Variants in COL9A1 observed in about 807,000 individuals in gnomAD.
COL9A1 encodes collagen type IX alpha 1 chain, also known as collagen alpha-1(IX) chain.
Under a neutral mutation model 142.6 loss-of-function variants are expected in COL9A1, and 104 were observed. That is an observed-to-expected ratio of 0.73 (90% CI 0.62 to 0.86). COL9A1 has a LOEUF of 0.86. Ranked by LOEUF, COL9A1 falls within the 40% of genes least tolerant of loss-of-function variation. The probability of loss-of-function intolerance (pLI) is 0.00; values close to 1 mark genes in which losing one functional copy is unlikely to be tolerated. For missense variants in COL9A1, 1,210 were observed against 1,176.6 expected, an observed-to-expected ratio of 1.03 and a Z score of -0.42; for synonymous variants, 466 against 396.0, an observed-to-expected ratio of 1.18 and a Z score of -2.10.
Position 70,230,524 on chromosome 6 carries a change from T to A in COL9A1, c.2503+2059A>T, listed in dbSNP as rs918833802. ...AAAAATTAAGAGGAAATACCTCACA[T>A]GATCAAGCTATACTTGACAAACGAA... On this transcript the variant is annotated intron_variant, in intron 36 of 37. Coordinates refer to ENST00000357250, the MANE Select transcript of COL9A1 (RefSeq NM_001851.6). Among the ~76,000 whole-genome samples the A allele has an allele frequency of 4.6e-5, 7 of 152,350 alleles. No homozygotes were observed. In the East Asian group the frequency reaches 5.8e-4, roughly 13 times the overall value.
At chr6:70,267,318 G>C (rs1772077486) in intron 17 of COL9A1, among the ~76,000 whole-genome samples, 3 of 97,764 alleles carry the variant, frequency 3.1e-5, no homozygotes, top group African/African-American at 7.9e-5. Flanking sequence ...TTGTTTGTTT[G>C]GTTTTTTTGT....
chr6:70,283,316 T>C, intron 6 of COL9A1: 1 of 1,241,738 alleles, frequency 8.1e-7, no homozygotes, highest in Non-Finnish European at 1.1e-6. Flanking sequence ...ACCCCTTCCC[T>C]GCCGCCGCAC....
chr6:70,244,400 G>A (rs749354984), intron 28 of COL9A1, among the ~76,000 whole-genome samples: 2 of 152,094 alleles, frequency 1.3e-5, no homozygotes, highest in Non-Finnish European at 2.9e-5. Context: ...TAAAAATTGG[G>A]TTCTACCCCA....
intron 19 of COL9A1, chr6:70,260,949 C>A: frequency 2.3e-6 from 1 of 432,716 alleles, no homozygotes; most frequent in Middle Eastern, 6.7e-4. Context: ...TTGACAAAAT[C>A]ACTTATGACA....
At position 70,294,515 on chromosome 6, in the gene COL9A1, C is replaced by T. The variant is rs779960146; in HGVS notation, c.348G>A (p.Thr116=). 1.7e-5 allele frequency: 27 copies of T among 1,613,930 alleles called. No individual in the cohort carries two copies. The Admixed American group carries it at 2.3e-4, about 14-fold the overall frequency. The part of the protein sequence containing the change: ...GLPEEYSFLT[T]FRMTGSTLKK... The stretch of plus-strand genomic sequence containing the variant: ...TGAGAGTGCTTCCAGTCATTCGAAA[C>T]GTCGTCAAGAAGGAGTATTCTTCAG... Residue 116 remains threonine, a synonymous_variant, in exon 5 of 38, where the codon ACG becomes ACA. Transcript: ENST00000357250.
At chr6:70,269,358 A>G (rs1463714481) in intron 16 of COL9A1, among the ~76,000 whole-genome samples, 1 of 152,214 alleles carries the variant, frequency 6.6e-6, no homozygotes, top group Non-Finnish European at 1.5e-5. Flanking sequence ...TTTGAACTCT[A>G]TCTCTTTAAA....
intron 11 of COL9A1, 131 bp downstream of exon 11, chr6:70,274,588 A>T: frequency 1.3e-6 from 1 of 766,096 alleles, no homozygotes; most frequent in South Asian, 1.5e-5. Flanking sequence ...TGGTGTTTTT[A>T]AACACAATTT....
chr6:70,267,765 G>A (rs547577848), intron 17 of COL9A1, among the ~76,000 whole-genome samples: 2 of 152,348 alleles, frequency 1.3e-5, no homozygotes, highest in East Asian at 3.9e-4. Context: ...ACAAAACTGT[G>A]AGACAAGCGT....
At chr6:70,268,699 G>A in intron 17 of COL9A1, 105 bp downstream of exon 17, 1 of 997,128 alleles carries the variant, frequency 1.0e-6, no homozygotes, top group Middle Eastern at 2.2e-4. Context: ...CTACTTGCCT[G>A]ATCATCCAAG....
At chr6:70,261,567 G>A (rs1350643573) in intron 19 of COL9A1, among the ~76,000 whole-genome samples, 2 of 152,196 alleles carry the variant, frequency 1.3e-5, no homozygotes, top group Non-Finnish European at 2.9e-5. Context: ...TTCTCACTTA[G>A]AGAAAATGGG....
chr6:70,279,653 A>AAAAAAAAAC (rs1772997309), intron 10 of COL9A1: 2 of 128,850 alleles, frequency 1.6e-5, no homozygotes, highest in Non-Finnish European at 3.1e-5. Flanking sequence ...CGTCTCAAAA[A>AAAAAAAAAC]AAAAAAAAAA....
intron 31 of COL9A1, among the ~76,000 whole-genome samples, chr6:70,241,213 G>T (rs1183193309): frequency 6.6e-6 from 1 of 152,192 alleles, no homozygotes; most frequent in Non-Finnish European, 1.5e-5. Flanking sequence ...TCCTGGAGCA[G>T]AGCCATCTTT....
chr6:70,281,182 CAG>C lies in COL9A1; in HGVS notation c.877-145_877-144del, dbSNP rs899856023. 1.2e-4 allele frequency: 100 copies of C among 810,334 alleles called. No individual in the cohort carries two copies. The African/African-American group carries it at 1.4e-3, about 11-fold the overall frequency. The allele number at this position is 810,334 out of a possible 1,614,324, so 50.2% of individuals were successfully genotyped here. ...GGAGGTTCATGACCAACAAGGACAA[CAG>C]AGACACCTCTCCCTCCAAAAATCCC... On this transcript the variant is annotated intron_variant, in intron 8 of 37. Transcript: ENST00000357250.
Position 70,294,203 on chromosome 6 carries a change from C to A in COL9A1, c.660G>T (p.Leu220=), listed in dbSNP as rs761707505. The part of the protein sequence containing the change: ...GPIDIDGFAV[L]GKLADNPQVS... ...CTTGAGGATTATCTGCAAGTTTTCC[C>A]AGCACAGCAAAGCCATCAATGTCAA... The change falls in exon 5 of 38, where the codon CTG becomes CTT. Residue 220 remains leucine (L), a synonymous_variant. Coordinates refer to ENST00000357250, the MANE Select transcript of COL9A1 (RefSeq NM_001851.6). 6.2e-7 allele frequency: 1 copy of A among 1,614,024 alleles called. No homozygotes were observed. Among genetic ancestry groups the A allele is most frequent in the Non-Finnish European group, 8.5e-7 (1 of 1,179,936 alleles).
intron 33 of COL9A1, among the ~76,000 whole-genome samples, chr6:70,238,989 ATTAG>A (rs1770076762): frequency 6.6e-6 from 1 of 152,122 alleles, no homozygotes; most frequent in South Asian, 2.1e-4. Context: ...AAATACAAAA[ATTAG>A]CCGGGCATGG....
intron 19 of COL9A1, among the ~76,000 whole-genome samples, chr6:70,261,756 C>T (rs1221892128): frequency 1.3e-5 from 2 of 152,290 alleles, no homozygotes; most frequent in African/African-American, 4.8e-5. Context: ...CATTTACTGA[C>T]TCTAAAGTTA....
chr6:70,242,134 T>C (rs1319568106), intron 29 of COL9A1, 99 bp from the exon 30 acceptor site: 1 of 1,024,076 alleles, frequency 9.8e-7, no homozygotes, highest in Admixed American at 2.0e-5. Flanking sequence ...GTGTCTAAAA[T>C]AAACGTGCTG....
intron 18 of COL9A1, among the ~76,000 whole-genome samples, chr6:70,263,986 C>T (rs77732738): frequency 7.2e-5 from 11 of 151,734 alleles, no homozygotes; most frequent in Admixed American, 1.3e-4. Flanking sequence ...TTCTTAGTAA[C>T]GGGCCACTCT....
At chr6:70,262,079 C>A (rs578181177) in intron 19 of COL9A1, among the ~76,000 whole-genome samples, 12 of 151,762 alleles carry the variant, frequency 7.9e-5, no homozygotes, top group African/African-American at 9.7e-5. Context: ...ATGTTGTTTG[C>A]AAAACCCTGT....
Sources: gnomAD v4.1 joint callset for allele counts (sites outside exome capture counted in the v4.1 genomes callset) on GRCh38, gnomAD v4.1.1 for gene constraint, MANE v1.5 for transcripts, NCBI Gene and HGNC (gene_info 2026-07-23, HGNC 2026-07-21) for gene names.